IGF2BP3: variants seen among roughly 807,000 people sequenced by gnomAD.
IGF2BP3 encodes the protein insulin like growth factor 2 mRNA binding protein 3.
Under a neutral mutation model 73.8 loss-of-function variants are expected in IGF2BP3, and 9 were observed. The ratio of observed to expected loss-of-function variants is 0.12; its 90% CI spans 0.07 to 0.21. The LOEUF (loss-of-function observed/expected upper bound fraction) is 0.21. Ranked by LOEUF, IGF2BP3 falls within the 10% of genes least tolerant of loss-of-function variation. The probability of loss-of-function intolerance (pLI) is 1.00; values close to 1 mark genes in which losing one functional copy is unlikely to be tolerated. For missense variants in IGF2BP3, 542 were observed against 714.0 expected (o/e 0.76, Z 2.75); for synonymous variants, 258 against 256.7 (o/e 1.01, Z -0.05).
At chr7:23,392,533 C>G (rs1163401663) in intron 3 of IGF2BP3, among the ~76,000 whole-genome samples, 1 of 151,710 alleles carries the variant, frequency 6.6e-6, no homozygotes, top group Admixed American at 6.6e-5. Context: ...CACATACACA[C>G]ACACACACAA....
At chr7:23,347,769 G>A (rs745692885) in intron 6 of IGF2BP3, 35 bp from the exon 7 acceptor site, 15 of 1,613,276 alleles carry the variant, frequency 9.3e-6, no homozygotes, top group Non-Finnish European at 1.1e-5. Flanking sequence ...GAAAACGAGA[G>A]CAGTAAGCGT....
intron 3 of IGF2BP3, among the ~76,000 whole-genome samples, chr7:23,401,945 C>T (rs1786680295): frequency 6.6e-6 from 1 of 151,918 alleles, no homozygotes. Flanking sequence ...GGCAAAACCC[C>T]ATCTCTACTA....
At chr7:23,342,242 G>T (rs1583909756) in intron 9 of IGF2BP3, 53 bp from the exon 10 acceptor site, 3 of 1,600,034 alleles carry the variant, frequency 1.9e-6, no homozygotes, top group African/African-American at 2.7e-5. Flanking sequence ...TCAAGGGAAA[G>T]TGAGCATTTT....
intron 2 of IGF2BP3, among the ~76,000 whole-genome samples, chr7:23,465,064 C>G (rs1467764017): frequency 2.0e-5 from 3 of 152,312 alleles, no homozygotes; most frequent in East Asian, 3.9e-4. Flanking sequence ...CCTCTTCCCT[C>G]TCCCATGCCC....
chr7:23,320,620 A>T (rs1404322098), intron 10 of IGF2BP3, among the ~76,000 whole-genome samples: 3 of 151,114 alleles, frequency 2.0e-5, no homozygotes, highest in African/African-American at 7.3e-5. Context: ...CCACAACTGA[A>T]GAAGCCAGTA....
rs1156868701 is a variant in IGF2BP3 at position 23,378,569 on chromosome 7, G to GTTTTTT, written c.286-16834_286-16829dup. 9.3e-4 allele frequency among the ~76,000 whole-genome samples: 61 copies of GTTTTTT among 65,876 alleles called. 3 individuals carry two copies. The highest frequency in any genetic ancestry group is 1.3e-3 in the African/African-American group (18 of 13,848). 43.2% of individuals were successfully genotyped at this position (65,876 alleles called of 152,430 possible). The stretch of plus-strand genomic sequence containing the variant: ...CACCATGCCAGGCTAATTTTTGCTT[G>GTTTTTT]TTTTTTTTTTTTTTTTTTTTTTTGA... On this transcript the variant is annotated intron_variant, in intron 3 of 14. Coordinates refer to ENST00000258729, the MANE Select transcript of IGF2BP3 (RefSeq NM_006547.3).
chr7:23,442,589 G>A (rs1227218348), intron 2 of IGF2BP3, among the ~76,000 whole-genome samples: 1 of 151,962 alleles, frequency 6.6e-6, no homozygotes, highest in Non-Finnish European at 1.5e-5. Flanking sequence ...GTAGAGACAG[G>A]GTTTCGCCAT....
chr7:23,463,929 T>C (rs1415719126), intron 2 of IGF2BP3, among the ~76,000 whole-genome samples: 2 of 152,212 alleles, frequency 1.3e-5, no homozygotes, highest in Non-Finnish European at 2.9e-5. Context: ...TAGTTTATAA[T>C]TATTTAACCA....
chr7:23,407,970 G>A (rs1786897048), intron 3 of IGF2BP3, among the ~76,000 whole-genome samples: 1 of 118,448 alleles, frequency 8.4e-6, no homozygotes, highest in Non-Finnish European at 1.8e-5. Flanking sequence ...CGGGGGGGGG[G>A]GGAGTCAATG....
intron 10 of IGF2BP3, among the ~76,000 whole-genome samples, chr7:23,321,193 G>A (rs1345767943): frequency 1.3e-5 from 2 of 152,176 alleles, no homozygotes; most frequent in East Asian, 3.9e-4. Context: ...GCCAGACAGT[G>A]GGCGCAGGTC....
intron 3 of IGF2BP3, among the ~76,000 whole-genome samples, chr7:23,393,443 A>G (rs1772074578): frequency 6.6e-6 from 1 of 152,174 alleles, no homozygotes. Context: ...GACAGCTAAG[A>G]TCCCACCCTG....
chr7:23,353,098 C>A (rs537765942), intron 5 of IGF2BP3, among the ~76,000 whole-genome samples: 4 of 152,160 alleles, frequency 2.6e-5, no homozygotes, highest in Non-Finnish European at 4.4e-5. Context: ...AGAAAGAAGT[C>A]CCCACACTTC....
At chr7:23,315,377 G>C (rs1182493670) in intron 12 of IGF2BP3, among the ~76,000 whole-genome samples, 1 of 152,124 alleles carries the variant, frequency 6.6e-6, no homozygotes, top group African/African-American at 2.4e-5. Context: ...CAAAGTGCTG[G>C]GATAGCAAGC....
chr7:23,406,663 C>A (rs1301371551), intron 3 of IGF2BP3, among the ~76,000 whole-genome samples: 1 of 152,094 alleles, frequency 6.6e-6, no homozygotes, highest in African/African-American at 2.4e-5. Flanking sequence ...TGGAAGGGGA[C>A]CCTGGCGGGT....
At chr7:23,423,782 A>C (rs1200113796) in intron 2 of IGF2BP3, among the ~76,000 whole-genome samples, 3 of 152,250 alleles carry the variant, frequency 2.0e-5, no homozygotes, top group South Asian at 2.1e-4. Context: ...GAAAAAAAAA[A>C]CAAAAACCCC....
rs1299691028 is a variant in IGF2BP3 at position 23,311,519 on chromosome 7, A to G, written c.*843T>C. On this transcript the variant is annotated 3_prime_UTR_variant, in exon 15 of 15. Coordinates refer to ENST00000258729, the MANE Select transcript of IGF2BP3 (RefSeq NM_006547.3). ...TTCCCAACTATAAATGAAAGAATAA[A>G]TGGTAGTGCTGCTCTCCAGATACTA... The G allele has an allele frequency of 6.6e-6, 1 of 152,344 alleles. No individual in the cohort carries two copies. The highest frequency in any genetic ancestry group is 2.4e-5 in the African/African-American group (1 of 41,430). 9.4% of individuals were successfully genotyped at this position (152,344 alleles called of 1,614,324 possible).
chr7:23,392,228 G>C (rs1327392276), intron 3 of IGF2BP3, among the ~76,000 whole-genome samples: 1 of 152,042 alleles, frequency 6.6e-6, no homozygotes, highest in Non-Finnish European at 1.5e-5. Flanking sequence ...AGAACCATCA[G>C]TCCCTTCTTC....
chr7:23,319,320 G>C (rs1784074634), intron 10 of IGF2BP3, 66 bp from the exon 11 acceptor site: 2 of 1,020,326 alleles, frequency 2.0e-6, no homozygotes, highest in Non-Finnish European at 3.0e-6. Context: ...GTTAACATTA[G>C]CTTTAGGAAG....
At chr7:23,317,340 G>A (rs1480823391) in intron 12 of IGF2BP3, among the ~76,000 whole-genome samples, 1 of 152,158 alleles carries the variant, frequency 6.6e-6, no homozygotes, top group Non-Finnish European at 1.5e-5. Flanking sequence ...AGTTTCCAAG[G>A]CATATTAACC....
Sources: allele counts gnomAD v4.1 joint callset (sites outside exome capture counted in the v4.1 genomes callset), GRCh38; gene constraint gnomAD v4.1.1; transcripts MANE v1.5; gene names NCBI Gene and HGNC (gene_info 2026-07-23, HGNC 2026-07-21).